The following A1CF variants were observed in gnomAD, a reference collection of about 807,000 sequenced individuals.
The protein encoded by A1CF is APOBEC1 complementation factor.
In A1CF, 48 loss-of-function variants were observed where a neutral mutation model predicts 68.9. The observed-to-expected ratio is 0.70, with a 90% CI of 0.55 to 0.89. The LOEUF (loss-of-function observed/expected upper bound fraction) is 0.89. Ranked by LOEUF, A1CF falls within the 40% of genes least tolerant of loss-of-function variation. The pLI is 0.00. For synonymous variants in A1CF, 272 were observed against 260.4 expected (o/e 1.04, Z -0.43); for missense variants, 653 against 718.9 (o/e 0.91, Z 1.05).
intron 3 of A1CF, among the ~76,000 whole-genome samples, chr10:50,844,914 T>A (rs1839930623): frequency 6.6e-6 from 1 of 152,218 alleles, no homozygotes; most frequent in Non-Finnish European, 1.5e-5. Context: ...GTGTCCCTGT[T>A]AAATCTTCAT....
chr10:50,878,047 G>A (rs756180018), intron 1 of A1CF, among the ~76,000 whole-genome samples: 22 of 152,134 alleles, frequency 1.4e-4, no homozygotes, highest in Non-Finnish European at 1.8e-4. Context: ...GCTTGAACCC[G>A]GGAAGCGGAG....
intron 8 of A1CF, among the ~76,000 whole-genome samples, chr10:50,817,856 G>T (rs955033411): frequency 7.9e-5 from 12 of 152,296 alleles, no homozygotes; most frequent in Middle Eastern, 3.4e-3. Flanking sequence ...GATATTTCCA[G>T]AGCTAGGACA....
intron 1 of A1CF, among the ~76,000 whole-genome samples, chr10:50,869,351 G>A (rs917998474): frequency 6.6e-6 from 1 of 152,038 alleles, no homozygotes; most frequent in African/African-American, 2.4e-5. Flanking sequence ...TTTATTTGCT[G>A]CTTTGTTTAA....
chr10:50,808,773 CT>C (rs1837952061), intron 12 of A1CF, among the ~76,000 whole-genome samples: 1 of 152,044 alleles, frequency 6.6e-6, no homozygotes, highest in African/African-American at 2.4e-5. Context: ...ATATTCAAAA[CT>C]TTTGAGAAAA....
In A1CF at chr10:50,820,453, G is replaced by A. The variant is rs73326746; in HGVS notation, c.867+99C>T. 3.7e-3 allele frequency: 3,526 copies of A among 948,276 alleles called. 74 individuals are homozygous for A. The African/African-American group carries it at 0.051, about 14-fold the overall frequency. The allele number at this position is 948,276 out of a possible 1,614,324, so 58.7% of individuals were successfully genotyped here. A position where few individuals can be genotyped will look rare whatever the true frequency, so the allele number is the denominator to read the frequency against. ...GGACTGAGGCAGCCATGTCAGAGAA[G>A]GCTGGAGTGAGACAGGCTTGCAGGA... On this transcript the variant is annotated intron_variant, in intron 8 of 12. Transcript: ENST00000373997.
intron 3 of A1CF, among the ~76,000 whole-genome samples, chr10:50,851,276 G>C (rs1292477064): frequency 6.6e-6 from 1 of 152,184 alleles, no homozygotes; most frequent in Non-Finnish European, 1.5e-5. Context: ...AGGGGTGTGA[G>C]GGTGCTTGTA....
At chr10:50,868,211 A>G (rs1047562306) in intron 1 of A1CF, among the ~76,000 whole-genome samples, 9 of 152,208 alleles carry the variant, frequency 5.9e-5, no homozygotes, top group Non-Finnish European at 1.2e-4. Context: ...GCCCTTGAGT[A>G]TCTCCTGGGA....
intron 1 of A1CF, among the ~76,000 whole-genome samples, chr10:50,869,531 G>A (rs1432451324): frequency 1.3e-5 from 2 of 152,062 alleles, no homozygotes; most frequent in Non-Finnish European, 2.9e-5. Flanking sequence ...TAGAAAAGTT[G>A]TTAAGGTCCT....
intron 2 of A1CF, among the ~76,000 whole-genome samples, chr10:50,863,814 T>G (rs543125239): frequency 1.1e-4 from 17 of 152,212 alleles, no homozygotes; most frequent in Admixed American, 9.8e-4. Context: ...GATAGTATAG[T>G]AGGGAAATTA....
chr10:50,838,106 A>G, intron 5 of A1CF, among the ~76,000 whole-genome samples: 1 of 152,206 alleles, frequency 6.6e-6, no homozygotes, highest in East Asian at 1.9e-4. Flanking sequence ...AAGTATGCTT[A>G]GCAGAAACGA....
intron 1 of A1CF, among the ~76,000 whole-genome samples, chr10:50,873,496 T>C (rs1841368910): frequency 6.6e-6 from 1 of 152,172 alleles, no homozygotes; most frequent in Admixed American, 6.5e-5. Flanking sequence ...AATGACCATA[T>C]AATTCATTTT....
At chr10:50,865,121 T>A (rs756635614) in intron 1 of A1CF, among the ~76,000 whole-genome samples, 1 of 151,974 alleles carries the variant, frequency 6.6e-6, no homozygotes, top group Non-Finnish European at 1.5e-5. Context: ...ATACAAAAAT[T>A]TAGCCAGGTG....
chr10:50,829,501 A>G (rs1424331791), intron 6 of A1CF, among the ~76,000 whole-genome samples: 1 of 152,180 alleles, frequency 6.6e-6, no homozygotes, highest in Non-Finnish European at 1.5e-5. Flanking sequence ...GCATCTTTAT[A>G]TTCCTTGAAA....
In A1CF at chr10:50,841,806, A is replaced by C; in HGVS notation, c.365+56T>G. 2.5e-6 allele frequency: 4 copies of C among 1,593,338 alleles called. No homozygotes were observed. In the South Asian group the frequency reaches 4.6e-5, roughly 18 times the overall value. On this transcript the variant is annotated intron_variant, in intron 5 of 12. Coordinates refer to ENST00000373997, the MANE Select transcript of A1CF (RefSeq NM_014576.4). ...CCATATTAGATAAACTTGATAGAAAAACAGACACAGGTGCATTGTTTGTTT... is the reference window on the plus strand; with the variant it reads ...CCATATTAGATAAACTTGATAGAAACACAGACACAGGTGCATTGTTTGTTT...
intron 4 of A1CF, 94 bp from the exon 5 acceptor site, chr10:50,842,086 C>A: frequency 1.7e-6 from 2 of 1,169,848 alleles, no homozygotes; most frequent in South Asian, 2.9e-5. Context: ...CACACACACA[C>A]ACAATGCTTT....
intron 1 of A1CF, among the ~76,000 whole-genome samples, chr10:50,871,648 T>C (rs944712442): frequency 6.6e-6 from 1 of 151,992 alleles, no homozygotes; most frequent in Non-Finnish European, 1.5e-5. Flanking sequence ...ATAAAAACTC[T>C]GGACCCATAG....
intron 1 of A1CF, among the ~76,000 whole-genome samples, chr10:50,881,350 T>A (rs1383962261): frequency 6.6e-6 from 1 of 152,206 alleles, no homozygotes; most frequent in African/African-American, 2.4e-5. Flanking sequence ...GACATCATTG[T>A]GTTACATAAA....
chr10:50,845,630 A>T (rs1041228994), intron 3 of A1CF, among the ~76,000 whole-genome samples: 4 of 152,170 alleles, frequency 2.6e-5, no homozygotes, highest in Non-Finnish European at 5.9e-5. Context: ...TGATACGTGG[A>T]AGCCACTTAT....
At chr10:50,823,471 A>T (rs1838771789) in intron 7 of A1CF, 1 of 152,214 alleles carries the variant, frequency 6.6e-6, no homozygotes, top group Admixed American at 6.5e-5. Context: ...TCAGCAACAC[A>T]TAAACCTGAG....
Sources: allele counts gnomAD v4.1 joint callset (sites outside exome capture counted in the v4.1 genomes callset), GRCh38; gene constraint gnomAD v4.1.1; transcripts MANE v1.5; gene names NCBI Gene and HGNC (gene_info 2026-07-23, HGNC 2026-07-21).